The following MDGA2 variants were observed in gnomAD, a reference collection of about 807,000 sequenced individuals.
MDGA2 encodes MAM domain-containing glycosylphosphatidylinositol anchor protein 2.
A neutral mutation model predicts 117.8 loss-of-function variants in MDGA2; 40 were observed. That is an observed-to-expected ratio of 0.34 (90% confidence interval 0.26 to 0.44). The LOEUF is 0.44. MDGA2 is among the 20% of genes least tolerant of loss of function. The pLI is 1.00. For missense variants in MDGA2, 1,123 were observed against 1,250.6 expected (o/e 0.90, Z 1.54); for synonymous variants, 452 against 439.0 (o/e 1.03, Z -0.37).
In MDGA2 at chr14:47,158,352, T is replaced by A. The variant is rs184145840; in HGVS notation, c.596-14078A>T. Among the ~76,000 whole-genome samples the A allele has an allele frequency of 3.1e-5, 4 of 128,852 alleles. No homozygotes were observed. In the Admixed American group the frequency reaches 3.3e-4, roughly 11 times the overall value. 84.5% of individuals were successfully genotyped at this position (128,852 alleles called of 152,430 possible). ...TTAAGGGCACATTTCTCAGAACATATCCCTGGGGTGGGTGTGTGTGTGTGT... is the reference window on the plus strand; with the variant it reads ...TTAAGGGCACATTTCTCAGAACATAACCCTGGGGTGGGTGTGTGTGTGTGT... On this transcript the variant is annotated intron_variant, in intron 3 of 16. Coordinates refer to ENST00000399232, the MANE Select transcript of MDGA2 (RefSeq NM_001113498.3).
chr14:46,853,032 TA>T (rs1881124492), intron 15 of MDGA2, among the ~76,000 whole-genome samples: 1 of 151,922 alleles, frequency 6.6e-6, no homozygotes, highest in Admixed American at 6.6e-5. Flanking sequence ...CTTATACAGA[TA>T]TTAGCAATAG....
intron 8 of MDGA2, among the ~76,000 whole-genome samples, chr14:46,968,885 G>A (rs575246042): frequency 1.7e-4 from 25 of 149,134 alleles, no homozygotes; most frequent in African/African-American, 5.4e-4. Context: ...ATTCAGTAAC[G>A]TTGCAGGATA....
intron 1 of MDGA2, among the ~76,000 whole-genome samples, chr14:47,634,870 C>G (rs2138231310): frequency 6.6e-6 from 1 of 152,206 alleles, no homozygotes; most frequent in East Asian, 1.9e-4. Flanking sequence ...CTAACTGAAT[C>G]ACTTTCAAAA....
chr14:46,911,182 A>G (rs1417925161), intron 10 of MDGA2, among the ~76,000 whole-genome samples: 1 of 152,222 alleles, frequency 6.6e-6, no homozygotes, highest in Non-Finnish European at 1.5e-5. Context: ...AATGCCTATG[A>G]TATCTAAACT....
chr14:47,176,338 G>A (rs537847396), intron 3 of MDGA2, among the ~76,000 whole-genome samples: 76 of 152,222 alleles, frequency 5.0e-4, no homozygotes, highest in African/African-American at 1.7e-3. Context: ...AGCCGGCATT[G>A]CCAAGTCAAT....
intron 1 of MDGA2, among the ~76,000 whole-genome samples, chr14:47,373,985 G>C (rs181361881): frequency 6.6e-6 from 1 of 152,116 alleles, no homozygotes; most frequent in East Asian, 1.9e-4. Context: ...AAAATTTCCT[G>C]TTAGTGAAGA....
chr14:46,969,974 A>ATATATATATC (rs1182921749), intron 8 of MDGA2, among the ~76,000 whole-genome samples: 1 of 143,352 alleles, frequency 7.0e-6, no homozygotes, highest in Non-Finnish European at 1.5e-5. Context: ...ATATATATAT[A>ATATATATATC]TATGGAATAA....
intron 10 of MDGA2, among the ~76,000 whole-genome samples, chr14:46,915,430 C>T (rs1883861543): frequency 6.6e-6 from 1 of 152,084 alleles, no homozygotes; most frequent in African/African-American, 2.4e-5. Flanking sequence ...ACATGTACCC[C>T]ATAAACATGT....
chr14:46,871,164 T>C (rs531348110), intron 14 of MDGA2: 2 of 152,068 alleles, frequency 1.3e-5, no homozygotes, highest in African/African-American at 4.8e-5. Context: ...TTGTTTCCTT[T>C]CATTGGTTCT....
intron 1 of MDGA2, among the ~76,000 whole-genome samples, chr14:47,308,147 A>G (rs1054864512): frequency 1.3e-5 from 2 of 152,208 alleles, no homozygotes; most frequent in Admixed American, 6.5e-5. Flanking sequence ...CAATGGCTGC[A>G]GAGAATTGGA....
chr14:46,844,513 G>A (rs1486163275), intron 16 of MDGA2, among the ~76,000 whole-genome samples: 9 of 152,142 alleles, frequency 5.9e-5, no homozygotes, highest in East Asian at 1.9e-4. Context: ...CCCGGGAGGC[G>A]GAGATTGCAG....
chr14:47,469,442 A>T (rs899596820), intron 1 of MDGA2, among the ~76,000 whole-genome samples: 1 of 152,072 alleles, frequency 6.6e-6, no homozygotes, highest in Non-Finnish European at 1.5e-5. Context: ...GCTGAGAATG[A>T]TGGTTTCCAG....
At chr14:47,171,338 C>G (rs1156361232) in intron 3 of MDGA2, among the ~76,000 whole-genome samples, 1 of 151,898 alleles carries the variant, frequency 6.6e-6, no homozygotes, top group Non-Finnish European at 1.5e-5. Context: ...AAATTCTTAA[C>G]TGAATATGCC....
At chr14:46,999,606 C>T (rs957761295) in intron 8 of MDGA2, among the ~76,000 whole-genome samples, 2 of 152,022 alleles carry the variant, frequency 1.3e-5, no homozygotes, top group African/African-American at 4.8e-5. Flanking sequence ...ACTGAATAAA[C>T]ATGAATCCAT....
At chr14:47,044,313 T>C (rs1347394196) in intron 7 of MDGA2, among the ~76,000 whole-genome samples, 1 of 152,192 alleles carries the variant, frequency 6.6e-6, no homozygotes, top group East Asian at 1.9e-4. Flanking sequence ...CTACTAGACT[T>C]TGATTTGGAT....
At chr14:46,893,509 C>T (rs907386057) in intron 10 of MDGA2, among the ~76,000 whole-genome samples, 2 of 151,538 alleles carry the variant, frequency 1.3e-5, no homozygotes, top group African/African-American at 4.9e-5. Context: ...GTACTTGTAC[C>T]ACATATACCC....
chr14:47,442,138 A>G (rs955919737), intron 1 of MDGA2, among the ~76,000 whole-genome samples: 1 of 152,148 alleles, frequency 6.6e-6, no homozygotes, highest in African/African-American at 2.4e-5. Context: ...AATATAATTG[A>G]TAATAGAGGC....
chr14:46,865,474 C>T (rs1192009385), intron 14 of MDGA2, among the ~76,000 whole-genome samples: 1 of 152,116 alleles, frequency 6.6e-6, no homozygotes, highest in Admixed American at 6.6e-5. Context: ...CCTTTGAAAA[C>T]TGGCACAAGA....
intron 2 of MDGA2, among the ~76,000 whole-genome samples, chr14:47,223,134 A>G (rs1886360513): frequency 6.6e-6 from 1 of 152,122 alleles, no homozygotes; most frequent in Non-Finnish European, 1.5e-5. Context: ...ATTCACTACC[A>G]CAAGAATAAC....
Sources: gnomAD v4.1 joint callset for allele counts (sites outside exome capture counted in the v4.1 genomes callset) on GRCh38, gnomAD v4.1.1 for gene constraint, MANE v1.5 for transcripts, NCBI Gene and HGNC (gene_info 2026-07-23, HGNC 2026-07-21) for gene names.